The following SV2B variants were observed in gnomAD, a reference collection of about 807,000 sequenced individuals.
SV2B encodes synaptic vesicle glycoprotein 2B.
SV2B carries 41 observed loss-of-function variants against 73.9 expected under a neutral mutation model. The ratio of observed to expected loss-of-function variants is 0.56; its 90% CI spans 0.43 to 0.72. The LOEUF (loss-of-function observed/expected upper bound fraction) is 0.72, where lower values mean the gene tolerates loss of function less well. Ranked by LOEUF, SV2B falls within the 30% of genes least tolerant of loss-of-function variation. The pLI, the probability that SV2B is intolerant of heterozygous loss-of-function variation, is 0.00. For missense variants in SV2B, 764 were observed against 857.8 expected (o/e 0.89, Z 1.37); for synonymous variants, 314 against 314.2 (o/e 1.00, Z 0.01).
At chr15:91,184,092 C>T (rs2044684526) in intron 1 of SV2B, among the ~76,000 whole-genome samples, 1 of 152,162 alleles carries the variant, frequency 6.6e-6, no homozygotes, top group African/African-American at 2.4e-5. Context: ...GAATTCAGTG[C>T]ATGAGAGAGA....
At chr15:91,104,671 T>C (rs1407774646) in intron 1 of SV2B, among the ~76,000 whole-genome samples, 1 of 152,226 alleles carries the variant, frequency 6.6e-6, no homozygotes, top group Non-Finnish European at 1.5e-5. Flanking sequence ...TTCACTCTTG[T>C]TGCCCAGGCT....
chr15:91,103,377 A>G (rs1416433709), intron 1 of SV2B, among the ~76,000 whole-genome samples: 1 of 152,208 alleles, frequency 6.6e-6, no homozygotes. Flanking sequence ...GGTCATCTTT[A>G]GCAAACAGGC....
chr15:91,169,230 C>T (rs921915604), intron 1 of SV2B, among the ~76,000 whole-genome samples: 3 of 152,164 alleles, frequency 2.0e-5, no homozygotes, highest in Non-Finnish European at 4.4e-5. Context: ...TACATTATAT[C>T]TCTGAAGTAG....
chr15:91,274,752 C>T (rs62026628), intron 9 of SV2B, among the ~76,000 whole-genome samples: 10,367 of 152,030 alleles, frequency 0.068, 400 homozygotes, highest in Non-Finnish European at 0.091. Flanking sequence ...GTGCTATGAC[C>T]GGATGATGCA....
intron 1 of SV2B, among the ~76,000 whole-genome samples, chr15:91,212,809 T>C (rs2045910837): frequency 6.7e-6 from 1 of 149,102 alleles, no homozygotes; most frequent in Non-Finnish European, 1.5e-5. Context: ...TTTTAAAAAA[T>C]AAGAAAAAGA....
intron 1 of SV2B, among the ~76,000 whole-genome samples, chr15:91,222,927 G>T (rs922011213): frequency 6.6e-6 from 1 of 152,132 alleles, no homozygotes; most frequent in African/African-American, 2.4e-5. Context: ...TAAACACTAG[G>T]CTTGTTGAAT....
intron 1 of SV2B, among the ~76,000 whole-genome samples, chr15:91,175,756 C>A (rs1260655336): frequency 1.3e-5 from 2 of 151,256 alleles, no homozygotes; most frequent in Non-Finnish European, 1.5e-5. Flanking sequence ...CTAATCTAAT[C>A]TTGATATATA....
chr15:91,231,117 A>T lies in SV2B; in HGVS notation c.451+4403A>T, dbSNP rs1596636273. 1.4e-5 allele frequency among the ~76,000 whole-genome samples: 2 copies of T among 148,090 alleles called. 1 individual carries two copies. The highest frequency in any genetic ancestry group is 3.9e-4 in the East Asian group (2 of 5,150). The stretch of plus-strand genomic sequence containing the variant: ...ATAATTATGCATTTTCTGGGTATGT[A>T]AAAAAAAAATCACCCGAAGAAATGA... On this transcript the variant is annotated intron_variant, in intron 2 of 12. Transcript: ENST00000394232. This position sits in a 1 kb window ranked among gnomAD's most constrained non-coding sequence, Gnocchi z 4.5.
intron 11 of SV2B, among the ~76,000 whole-genome samples, chr15:91,285,578 A>G (rs920211177): frequency 3.9e-5 from 6 of 152,332 alleles, no homozygotes; most frequent in Admixed American, 3.9e-4. Flanking sequence ...CTCTGCCAAG[A>G]TTAGCTTTAT....
At chr15:91,117,413 C>T (rs975201933) in intron 1 of SV2B, among the ~76,000 whole-genome samples, 1 of 152,170 alleles carries the variant, frequency 6.6e-6, no homozygotes, top group Non-Finnish European at 1.5e-5. Flanking sequence ...AATAATGCTG[C>T]CTAACAAATA....
Position 91,281,808 on chromosome 15 carries a change from C to A in SV2B, c.1454C>A (p.Thr485Lys), listed in dbSNP as rs72750217. 6.2e-7 allele frequency: 1 copy of A among 1,613,274 alleles called. No individual in the cohort carries two copies. The highest frequency in any genetic ancestry group is 8.5e-7 in the Non-Finnish European group (1 of 1,179,526). ...TGCTATTTTGAAGACGTAACATCAA[C>A]AGATACCTACTTCAAAAATTGTACC... The part of the protein sequence containing the change: ...DECYFEDVTS[T>K]DTYFKNCTIE... Residue 485 changes from threonine to lysine, a missense_variant, in exon 10 of 13, where the codon ACA becomes AAA. By Grantham distance (78) the Thr-to-Lys change is moderately conservative. Transcript: ENST00000394232. The surrounding 1 kb of genome is among the most constrained non-coding windows in gnomAD (Gnocchi z 4.7).
intron 7 of SV2B, 131 bp downstream of exon 7, chr15:91,266,823 A>C (rs1005284584): frequency 1.6e-5 from 11 of 679,380 alleles, no homozygotes; most frequent in African/African-American, 1.3e-4. Context: ...GCAACCCTGG[A>C]GGGGGGCGTT....
At chr15:91,277,893 G>A (rs554881413) in intron 9 of SV2B, among the ~76,000 whole-genome samples, 1 of 152,284 alleles carries the variant, frequency 6.6e-6, no homozygotes, top group African/African-American at 2.4e-5. Flanking sequence ...CCTAAAGGCA[G>A]TAAATGTGCT....
At chr15:91,270,473 C>T (rs2048255496) in intron 9 of SV2B, among the ~76,000 whole-genome samples, 2 of 152,218 alleles carry the variant, frequency 1.3e-5, no homozygotes, top group Middle Eastern at 3.2e-3. Flanking sequence ...TATCTCCCAA[C>T]CCATGCATTT....
chr15:91,270,942 G>A (rs2048285846), intron 9 of SV2B, among the ~76,000 whole-genome samples: 1 of 149,912 alleles, frequency 6.7e-6, no homozygotes, highest in Admixed American at 6.6e-5. Context: ...GAGTCCTGTG[G>A]ACGATGGGAG....
chr15:91,249,108 AT>A (rs900461588), intron 2 of SV2B, among the ~76,000 whole-genome samples: 24 of 105,008 alleles, frequency 2.3e-4, no homozygotes, highest in African/African-American at 8.4e-4. Flanking sequence ...ACACACACAC[AT>A]GTTTATGATC....
At chr15:91,159,840 A>G (rs1287625891) in intron 1 of SV2B, among the ~76,000 whole-genome samples, 2 of 152,198 alleles carry the variant, frequency 1.3e-5, no homozygotes, top group Non-Finnish European at 2.9e-5. Context: ...TTATATCTGG[A>G]TAATCTAAGT....
chr15:91,272,977 C>T (rs1403092803), intron 9 of SV2B, among the ~76,000 whole-genome samples: 2 of 151,708 alleles, frequency 1.3e-5, no homozygotes, highest in African/African-American at 2.4e-5. Context: ...GGATTACAGG[C>T]GCGTGCCACC....
rs1210166989 is a variant in SV2B at position 91,295,605 on chromosome 15, A to G, written c.*3053A>G. ...ATGTGAGGAGTGGGCGAGAAGGCCT[A>G]AGGTGATGCTCTCATGACAGTTCTG... On this transcript the variant is annotated 3_prime_UTR_variant, in exon 13 of 13. Coordinates refer to ENST00000394232, the MANE Select transcript of SV2B (RefSeq NM_001323032.3). 6.6e-6 allele frequency: 1 copy of G among 152,216 alleles called. No homozygotes were observed. The highest frequency in any genetic ancestry group is 1.5e-5 in the Non-Finnish European group (1 of 68,058). The allele number at this position is 152,216 out of a possible 1,614,324, so 9.4% of individuals were successfully genotyped here. A position where few individuals can be genotyped will look rare whatever the true frequency, so the allele number is the denominator to read the frequency against.
Sources: gnomAD v4.1 joint callset for allele counts (sites outside exome capture counted in the v4.1 genomes callset) on GRCh38, gnomAD v4.1.1 for gene constraint, Gnocchi (gnomAD v3.1) non-coding constraint, MANE v1.5 for transcripts, NCBI Gene and HGNC (gene_info 2026-07-23, HGNC 2026-07-21) for gene names.